IRS2: variants seen among roughly 807,000 people sequenced by gnomAD.
IRS2 encodes the protein insulin receptor substrate 2.
A neutral mutation model predicts 70.9 loss-of-function variants in IRS2; 28 were observed. The ratio of observed to expected loss-of-function variants is 0.39; its 90% CI spans 0.29 to 0.54. The LOEUF (loss-of-function observed/expected upper bound fraction) is 0.54. Ranked by LOEUF, IRS2 falls within the 20% of genes least tolerant of loss-of-function variation. IRS2 has a pLI of 0.59. For synonymous variants in IRS2, 1,217 were observed against 981.9 expected, an observed-to-expected ratio of 1.24 and a Z score of -4.48; for missense variants, 2,081 against 2,024.1, an observed-to-expected ratio of 1.03 and a Z score of -0.54.
chr13:109,779,081 TA>T (rs1161548716), intron 1 of IRS2, among the ~76,000 whole-genome samples: 1 of 152,174 alleles, frequency 6.6e-6, no homozygotes, highest in Non-Finnish European at 1.5e-5. Flanking sequence ...TCTGGACTAA[TA>T]AAAACAGATG....
intron 1 of IRS2, among the ~76,000 whole-genome samples, chr13:109,761,957 C>T (rs1877236115): frequency 6.6e-6 from 1 of 152,174 alleles, no homozygotes; most frequent in South Asian, 2.1e-4. Context: ...GGTATCTCCC[C>T]CTTTAACTCC....
At chr13:109,778,999 G>T (rs745371548) in intron 1 of IRS2, among the ~76,000 whole-genome samples, 151 of 144,844 alleles carry the variant, frequency 1.0e-3, no homozygotes, top group South Asian at 2.5e-3. Flanking sequence ...TTTTCCACAT[G>T]CACACACACC....
chr13:109,784,083 C>G lies in IRS2; in HGVS notation c.1971G>C (p.Thr657=), dbSNP rs756121311. Residue 657 remains threonine (T), a synonymous_variant, in exon 1 of 2, where the codon ACG becomes ACC. Coordinates refer to ENST00000375856, the MANE Select transcript of IRS2 (RefSeq NM_003749.3). The surrounding 1 kb of genome is among the most constrained non-coding windows in gnomAD (Gnocchi z 5.2). The part of the protein sequence containing the change: ...LGADDGYMPM[T]PGAALAGSGS... ...CACTGCCCGCGAGGGCCGCGCCGGG[C>G]GTCATGGGCATGTAGCCGTCGTCTG... is the stretch of plus-strand genomic sequence containing the variant. 2 of 1,584,780 alleles carry G rather than the reference C, an allele frequency of 1.3e-6. No homozygotes were observed. Among genetic ancestry groups the G allele is most frequent in the Non-Finnish European group, 1.7e-6 (2 of 1,172,936 alleles).
Position 109,785,054 on chromosome 13 carries a change from TG to T in IRS2, c.999del (p.Ser334AlafsTer57), listed in dbSNP as rs1555316922. The T allele has an allele frequency of 3.8e-6, 6 of 1,558,794 alleles. No homozygotes were observed. The highest frequency in any genetic ancestry group is 1.2e-5 in the South Asian group (1 of 85,632). On this transcript the variant is annotated frameshift_variant, in exon 1 of 2. Coordinates refer to ENST00000375856, the MANE Select transcript of IRS2 (RefSeq NM_003749.3). LOFTEE classifies it high-confidence loss of function. The surrounding 1 kb of genome is among the most constrained non-coding windows in gnomAD (Gnocchi z 9.3). ...GAGCGGCGCACCAGGCCCGTCTGGC[TG>T]GGGGGCAGGTTGACCAGGTGGTGGT... ...RRHHHLVNLP[P>X]SQTGLVRRSR... is the part of the protein sequence containing the mutation.
rs141020593 is a variant in IRS2 at position 109,785,742 on chromosome 13, G to A, written c.312C>T (p.Arg104=). Residue 104 remains arginine, a synonymous_variant, in exon 1 of 2, where the codon CGC becomes CGT. Coordinates refer to ENST00000375856, the MANE Select transcript of IRS2 (RefSeq NM_003749.3). This position sits in a 1 kb window ranked among gnomAD's most constrained non-coding sequence, Gnocchi z 9.3. The stretch of plus-strand genomic sequence containing the variant: ...TCAGGTACTTGTGCTTGGCGTCGGC[G>A]CGCTTGTTGATGTTCAGGCAGCAGT... ...ALDCCLNINK[R]ADAKHKYLIA... 290 of 1,597,270 alleles carry A rather than the reference G, an allele frequency of 1.8e-4. 1 individual carries two copies. The East Asian group carries it at 6.5e-3, about 36-fold the overall frequency.
At chr13:109,772,151 G>A (rs4547213) in intron 1 of IRS2, among the ~76,000 whole-genome samples, 40,704 of 152,210 alleles carry the variant, frequency 0.27, 6,557 homozygotes, top group East Asian at 0.44. Context: ...CTGAGATGAC[G>A]GGATCGGGGG....
intron 1 of IRS2, among the ~76,000 whole-genome samples, chr13:109,769,765 A>G (rs556448659): frequency 1.3e-5 from 2 of 152,322 alleles, no homozygotes; most frequent in South Asian, 4.1e-4. Context: ...GTTTCTCTCT[A>G]GCCTATTCTT....
At chr13:109,777,024 A>G (rs1877594491) in intron 1 of IRS2, among the ~76,000 whole-genome samples, 1 of 152,186 alleles carries the variant, frequency 6.6e-6, no homozygotes, top group African/African-American at 2.4e-5. Flanking sequence ...CGTTTTGTTC[A>G]TCTTGTATAG....
intron 1 of IRS2, among the ~76,000 whole-genome samples, chr13:109,781,517 C>A (rs568714190): frequency 6.6e-6 from 1 of 152,332 alleles, no homozygotes; most frequent in South Asian, 2.1e-4. Context: ...CTATTAGCAG[C>A]CATCAAAATG....
intron 1 of IRS2, among the ~76,000 whole-genome samples, chr13:109,771,325 CT>C (rs1877447451): frequency 6.6e-6 from 1 of 151,886 alleles, no homozygotes; most frequent in South Asian, 2.1e-4. Context: ...ATTTTTTTCT[CT>C]TTTGCTTTCT....
rs1360198809 is a variant in IRS2, at chr13:109,782,087, T to G, written c.3967A>C (p.Ile1323Leu). ...TTCAAGTGGTGGGACAAGAAGTCAA[T>G]GCTGGCGTAGGTGTTGGCAGGGGGC... ...ALPPANTYAS[I>L]DFLSHHLKEA... The change falls in exon 1 of 2, where the codon ATT becomes CTT. Residue 1323 changes from isoleucine to leucine, a missense_variant. Transcript: ENST00000375856. The G allele has an allele frequency of 1.2e-6, 2 of 1,612,342 alleles. No individual in the cohort carries two copies. Among genetic ancestry groups the G allele is most frequent in the Non-Finnish European group, 1.7e-6 (2 of 1,179,834 alleles).
chr13:109,762,724 G>A (rs1233309734), intron 1 of IRS2, among the ~76,000 whole-genome samples: 1 of 152,194 alleles, frequency 6.6e-6, no homozygotes, highest in African/African-American at 2.4e-5. Flanking sequence ...GTCCCCAGCA[G>A]CCAGCAGCCT....
intron 1 of IRS2, among the ~76,000 whole-genome samples, chr13:109,771,969 A>G (rs1307227589): frequency 2.0e-5 from 3 of 152,248 alleles, no homozygotes; most frequent in Non-Finnish European, 2.9e-5. Context: ...TTTTAAATTT[A>G]GTAAAGAAAT....
At chr13:109,778,215 A>G (rs918483918) in intron 1 of IRS2, among the ~76,000 whole-genome samples, 7 of 152,218 alleles carry the variant, frequency 4.6e-5, no homozygotes, top group African/African-American at 1.7e-4. Context: ...CATTTTACAG[A>G]CAGGGAAAGT....
Position 109,753,860 on chromosome 13 carries a change from T to G in IRS2, c.*2444A>C, listed in dbSNP as rs1050908630. The G allele has an allele frequency of 2.7e-5, 6 of 226,282 alleles. No homozygotes were observed. In the Admixed American group the frequency reaches 3.4e-4, roughly 13 times the overall value. The allele number at this position is 226,282 out of a possible 1,614,324, so 14.0% of individuals were successfully genotyped here. ...TATTCATTTCATAAATAATGTACTT[T>G]ATTTTATTGCATATGGCTATTAAGG... is the stretch of plus-strand genomic sequence containing the variant. On this transcript the variant is annotated 3_prime_UTR_variant, in exon 2 of 2. Transcript: ENST00000375856.
In IRS2 at chr13:109,782,185, A is replaced by G. The variant is rs1402990112; in HGVS notation, c.3869T>C (p.Leu1290Pro). The change falls in exon 1 of 2, where the codon CTC (leucine) becomes CCC (proline). Residue 1290 changes from leucine (L) to proline (P), a missense_variant. By Grantham distance (98) the Leu-to-Pro change is moderately conservative. This residue lies in a region of IRS2 where 1,615 missense variants were observed against 1,459.5 expected (regional missense o/e 1.11). Transcript: ENST00000375856. ...DKSSWGRTRS[L>P]GGLISAVGVG... ...GCCCACAGCGCTGATGAGACCCCCGAGGCTTCGGGTCCGGCCCCAGGAGCT... is the reference window on the plus strand; with the variant it reads ...GCCCACAGCGCTGATGAGACCCCCGGGGCTTCGGGTCCGGCCCCAGGAGCT... 6 of 1,604,046 alleles carry G rather than the reference A, an allele frequency of 3.7e-6. No homozygotes were observed. Among genetic ancestry groups the G allele is most frequent in the South Asian group, 1.1e-5 (1 of 90,466 alleles).
chr13:109,768,286 G>A (rs1877379278), intron 1 of IRS2, among the ~76,000 whole-genome samples: 1 of 152,138 alleles, frequency 6.6e-6, no homozygotes, highest in Non-Finnish European at 1.5e-5. Flanking sequence ...AGACCTAAAT[G>A]CTCAACCACA....
At chr13:109,760,548 G>A (rs1485958193) in intron 1 of IRS2, among the ~76,000 whole-genome samples, 6 of 152,182 alleles carry the variant, frequency 3.9e-5, no homozygotes, top group Non-Finnish European at 8.8e-5. Context: ...GTGACATGTC[G>A]TGCAGTGTAT....
intron 1 of IRS2, among the ~76,000 whole-genome samples, chr13:109,763,458 G>T (rs967565054): frequency 2.0e-5 from 3 of 152,194 alleles, no homozygotes; most frequent in African/African-American, 7.2e-5. Context: ...TAACACAAAA[G>T]TGCTCAATAA....
Sources: allele counts gnomAD v4.1 joint callset (sites outside exome capture counted in the v4.1 genomes callset), GRCh38; gene constraint gnomAD v4.1.1; regional missense constraint gnomAD v4.1.1; non-coding constraint Gnocchi (gnomAD v3.1); transcripts MANE v1.5; gene names NCBI Gene and HGNC (gene_info 2026-07-23, HGNC 2026-07-21).